The following MDM4 variants were observed in gnomAD, a reference collection of about 807,000 sequenced individuals.
MDM4 encodes the protein MDM4 regulator of p53.
Under a neutral mutation model 60.2 loss-of-function variants are expected in MDM4, and 2 were observed. The ratio of observed to expected loss-of-function variants is 0.03; its 90% CI spans 0.01 to 0.10. The LOEUF is 0.10. Among genes scored for constraint, MDM4 ranks in the 10% least tolerant of loss-of-function variants. MDM4 has a pLI of 1.00. For synonymous variants in MDM4, 202 were observed against 198.1 expected, an observed-to-expected ratio of 1.02 and a Z score of -0.17; for missense variants, 447 against 577.5, an observed-to-expected ratio of 0.77 and a Z score of 2.32.
At position 204,550,126 on chromosome 1, in the gene MDM4, C is replaced by G; in HGVS notation, c.*444C>G. The G allele has an allele frequency of 4.5e-6, 1 of 220,820 alleles. No individual in the cohort carries two copies. Among genetic ancestry groups the G allele is most frequent in the African/African-American group, 2.2e-5 (1 of 44,696 alleles). 13.7% of individuals were successfully genotyped at this position (220,820 alleles called of 1,614,324 possible). A position where few individuals can be genotyped will look rare whatever the true frequency, so the allele number is the denominator to read the frequency against. On this transcript the variant is annotated 3_prime_UTR_variant, in exon 11 of 11. Coordinates refer to ENST00000367182, the MANE Select transcript of MDM4 (RefSeq NM_002393.5). ...CCTTCAGCTATTTCATGGCTCTCACCCTAGTTTTTTTTTTTTTTGCACTTT... is the reference window on the plus strand; with the variant it reads ...CCTTCAGCTATTTCATGGCTCTCACGCTAGTTTTTTTTTTTTTTGCACTTT...
At position 204,549,933 on chromosome 1, in the gene MDM4, T is replaced by C. The variant is rs1663040568; in HGVS notation, c.*251T>C. ...AGTTAGGTGAACCCAAAAGAAAAAC[T>C]CTTGAAAACAAGAGATTTCTTCCAT... is the stretch of plus-strand genomic sequence containing the variant. On this transcript the variant is annotated 3_prime_UTR_variant, in exon 11 of 11. Transcript: ENST00000367182. The C allele has an allele frequency of 2.9e-6, 1 of 344,712 alleles. No individual in the cohort carries two copies. The highest frequency in any genetic ancestry group is 2.1e-5 in the African/African-American group (1 of 47,646). 21.4% of individuals were successfully genotyped at this position (344,712 alleles called of 1,614,324 possible).
At chr1:204,520,760 C>G (rs1659494245) in intron 1 of MDM4, among the ~76,000 whole-genome samples, 1 of 152,062 alleles carries the variant, frequency 6.6e-6, no homozygotes, top group African/African-American at 2.4e-5. Flanking sequence ...CCTGTAGTCC[C>G]AGATAATCAG....
intron 1 of MDM4, among the ~76,000 whole-genome samples, chr1:204,517,689 A>G (rs954456334): frequency 6.7e-6 from 1 of 148,250 alleles, no homozygotes; most frequent in Non-Finnish European, 1.5e-5. Context: ...GGCGTGAGCC[A>G]CCGTGCCCGG....
At chr1:204,533,181 G>A (rs1661044590) in intron 5 of MDM4, among the ~76,000 whole-genome samples, 1 of 152,190 alleles carries the variant, frequency 6.6e-6, no homozygotes, top group South Asian at 2.1e-4. Flanking sequence ...TAGGAAACTG[G>A]CTGTACTGGA....
intron 4 of MDM4, among the ~76,000 whole-genome samples, chr1:204,531,356 A>G (rs1660831654): frequency 1.3e-5 from 2 of 152,198 alleles, no homozygotes; most frequent in South Asian, 2.1e-4. Context: ...CTGGGCAGTT[A>G]GAGGTTGATG....
At chr1:204,517,068 C>G (rs1200023357) in intron 1 of MDM4, among the ~76,000 whole-genome samples, 2 of 151,882 alleles carry the variant, frequency 1.3e-5, no homozygotes, top group Non-Finnish European at 2.9e-5. Flanking sequence ...TGGTGAAACC[C>G]CGTCTCTAGT....
At chr1:204,546,287 G>A (rs745519813) in intron 9 of MDM4, among the ~76,000 whole-genome samples, 3 of 152,036 alleles carry the variant, frequency 2.0e-5, no homozygotes, top group Admixed American at 6.6e-5. Flanking sequence ...ACTGCAAGCC[G>A]GAACTCTTGG....
Position 204,544,741 on chromosome 1 carries a change from T to A in MDM4, c.822+57T>A, listed in dbSNP as rs1342487721. The A allele has an allele frequency of 2.0e-6, 3 of 1,488,388 alleles. No individual in the cohort carries two copies. In the African/African-American group the frequency reaches 4.2e-5, roughly 21 times the overall value. The allele number at this position is 1,488,388 out of a possible 1,614,324, so 92.2% of individuals were successfully genotyped here. On this transcript the variant is annotated intron_variant, in intron 9 of 10. Coordinates refer to ENST00000367182, the MANE Select transcript of MDM4 (RefSeq NM_002393.5). The stretch of plus-strand genomic sequence containing the variant: ...GTTTGTGTGCTCATAGTATCATCTG[T>A]TGAGATTTCTTTGTATCTGTTTTTA...
rs779176521 is a variant in MDM4, at chr1:204,526,343, TTTTATG to T, written c.79-11_79-6del. On this transcript the variant is annotated splice_polypyrimidine_tract_variant and intron_variant, in intron 2 of 10. Transcript: ENST00000367182. ...ACTTGAAATGTAAATAGCACATTTA[TTTTATG>T]TTTATATCAGGTACGACCAAAACTG... The T allele has an allele frequency of 3.7e-6, 6 of 1,604,644 alleles. No individual in the cohort carries two copies. The Admixed American group carries it at 6.7e-5, about 18-fold the overall frequency.
chr1:204,540,703 C>T (rs561865967), intron 7 of MDM4, among the ~76,000 whole-genome samples: 2 of 152,182 alleles, frequency 1.3e-5, no homozygotes, highest in Admixed American at 6.5e-5. Flanking sequence ...GCAGAGGTTG[C>T]AGTGAGCCGA....
chr1:204,552,330 T>TG lies in MDM4; in HGVS notation c.*2648_*2649insG, dbSNP rs1473745123. Reference sequence around the variant, plus strand: ...ATCTCATAATGTCGTTGTTGGTTTTTTTTTTTTTTTTTGAGACAGTCTCAC... The same window carrying TG: ...ATCTCATAATGTCGTTGTTGGTTTTTGTTTTTTTTTTTTGAGACAGTCTCAC... On this transcript the variant is annotated 3_prime_UTR_variant, in exon 11 of 11. Coordinates refer to ENST00000367182, the MANE Select transcript of MDM4 (RefSeq NM_002393.5). 1 of 148,424 alleles carries TG rather than the reference T, an allele frequency of 6.7e-6. No homozygotes were observed. Among genetic ancestry groups the TG allele is most frequent in the African/African-American group, 2.4e-5 (1 of 40,930 alleles). 9.2% of individuals were successfully genotyped at this position (148,424 alleles called of 1,614,324 possible).
intron 3 of MDM4, among the ~76,000 whole-genome samples, 186 bp downstream of exon 3, chr1:204,526,620 C>T (rs759938088): frequency 2.6e-5 from 4 of 151,968 alleles, no homozygotes; most frequent in South Asian, 2.1e-4. Context: ...CCTGCTGCCA[C>T]GCCCGGCTAA....
rs972118046 is a variant in MDM4 at position 204,553,429 on chromosome 1, T to A, written c.*3747T>A. 4.4e-6 allele frequency: 1 copy of A among 226,128 alleles called. No homozygotes were observed. Among genetic ancestry groups the A allele is most frequent in the African/African-American group, 2.2e-5 (1 of 45,046 alleles). 14.0% of individuals were successfully genotyped at this position (226,128 alleles called of 1,614,324 possible). A position where few individuals can be genotyped will look rare whatever the true frequency, so the allele number is the denominator to read the frequency against. ...ATCCCACCTGGTTTCTTTCTGCATG[T>A]CCCCTTTCACTTTCAAACCTCTTCA... On this transcript the variant is annotated 3_prime_UTR_variant, in exon 11 of 11. Transcript: ENST00000367182.
At chr1:204,527,308 ACTGT>A (rs1166428111) in intron 3 of MDM4, among the ~76,000 whole-genome samples, 3 of 151,826 alleles carry the variant, frequency 2.0e-5, no homozygotes, top group Non-Finnish European at 4.4e-5. Flanking sequence ...AAAAAAAGAC[ACTGT>A]CTGATTTACA....
intron 8 of MDM4, 87 bp downstream of exon 8, chr1:204,543,031 T>C: frequency 8.8e-7 from 1 of 1,140,928 alleles, no homozygotes; most frequent in Non-Finnish European, 1.3e-6. Context: ...TTATATTCTC[T>C]AAGAATTCTT....
chr1:204,517,397 T>C (rs753656387), intron 1 of MDM4, among the ~76,000 whole-genome samples: 1 of 151,876 alleles, frequency 6.6e-6, no homozygotes, highest in Non-Finnish European at 1.5e-5. Context: ...TTTGGTTGTG[T>C]TTTTGTTTTG....
intron 4 of MDM4, among the ~76,000 whole-genome samples, chr1:204,531,148 TG>T (rs1388234962): frequency 6.6e-6 from 1 of 152,040 alleles, no homozygotes; most frequent in Non-Finnish European, 1.5e-5. Flanking sequence ...GTCAAGAAAA[TG>T]TTCTTTTGAG....
intron 5 of MDM4, chr1:204,532,543 A>G (rs1463105318): frequency 2.5e-5 from 14 of 559,474 alleles, no homozygotes; most frequent in South Asian, 1.6e-4. Flanking sequence ...CAAACATTCA[A>G]TATCATTATT....
intron 6 of MDM4, 142 bp downstream of exon 6, chr1:204,537,639 C>G: frequency 1.5e-6 from 1 of 651,816 alleles, no homozygotes; most frequent in South Asian, 1.9e-5. Flanking sequence ...AGACCAGGGA[C>G]AGAGTGAACC....
Sources: gnomAD v4.1 joint callset for allele counts (sites outside exome capture counted in the v4.1 genomes callset) on GRCh38, gnomAD v4.1.1 for gene constraint, MANE v1.5 for transcripts, NCBI Gene and HGNC (gene_info 2026-07-23, HGNC 2026-07-21) for gene names.